NBEA: variants seen among roughly 807,000 people sequenced by gnomAD.
The protein encoded by NBEA is neurobeachin, also known as lysosomal-trafficking regulator 2.
NBEA carries 44 observed loss-of-function variants against 343.4 expected under a neutral mutation model. The ratio of observed to expected loss-of-function variants is 0.13; its 90% CI spans 0.10 to 0.16. The LOEUF is 0.16. NBEA is among the 10% of genes least tolerant of loss of function. The pLI, the probability that NBEA is intolerant of heterozygous loss-of-function variation, is 1.00. For missense variants in NBEA, 2,555 were observed against 3,631.3 expected (o/e 0.70, Z 7.62); for synonymous variants, 1,175 against 1,238.7 (o/e 0.95, Z 1.08).
chr13:35,342,702 C>T (rs186806522), intron 36 of NBEA, among the ~76,000 whole-genome samples: 193 of 152,078 alleles, frequency 1.3e-3, no homozygotes, highest in Non-Finnish European at 1.9e-3. Context: ...TGTTATTTAA[C>T]TTCATACTTA....
chr13:34,970,760 C>A (rs868052628), intron 1 of NBEA, among the ~76,000 whole-genome samples: 10 of 152,054 alleles, frequency 6.6e-5, no homozygotes, highest in African/African-American at 1.2e-4. Flanking sequence ...CAACACCATG[C>A]TGTTTTGGTT....
chr13:35,220,928 T>G (rs2074328286), intron 33 of NBEA, among the ~76,000 whole-genome samples: 1 of 152,160 alleles, frequency 6.6e-6, no homozygotes, highest in South Asian at 2.1e-4. Context: ...CTCAGTGATT[T>G]TGAGTATTTT....
rs1368392166 is a variant in NBEA at position 35,159,329 on chromosome 13, A to G, written c.3158A>G (p.His1053Arg). Residue 1053 changes from histidine to arginine, a missense_variant, in exon 22 of 59, where the codon CAT (histidine) becomes CGT (arginine). Physicochemically the swap from His to Arg is conservative, Grantham distance 29 (BLOSUM62 0). Coordinates refer to ENST00000379939, the MANE Select transcript of NBEA (RefSeq NM_001385012.1). ...RPGSGVHVEV[H>R]DLLVDIKAEK... ...GGAAGTGGTGTACATGTGGAAGTAC[A>G]TGATCTTTTAGTAGATATAAAAGCA... 5 of 1,613,622 alleles carry G rather than the reference A, an allele frequency of 3.1e-6. No homozygotes were observed. Among genetic ancestry groups the G allele is most frequent in the Non-Finnish European group, 4.2e-6 (5 of 1,179,694 alleles).
Position 35,003,023 on chromosome 13 carries a change from C to T in NBEA, c.295-37910C>T, listed in dbSNP as rs73487626. Among the ~76,000 whole-genome samples the T allele has an allele frequency of 6.7e-3, 1,021 of 152,154 alleles. 11 individuals carry two copies. Among genetic ancestry groups the T allele is most frequent in the African/African-American group, 0.022 (929 of 41,508 alleles). On this transcript the variant is annotated intron_variant, in intron 1 of 58. Transcript: ENST00000379939. ...TCATAGAACAGGGATAATAAGAGAG[C>T]GTTCTCCAGCCACAGTACAATGAAC...
chr13:35,378,052 T>G (rs1349150729), intron 38 of NBEA, among the ~76,000 whole-genome samples: 1 of 152,198 alleles, frequency 6.6e-6, no homozygotes, highest in Non-Finnish European at 1.5e-5. Context: ...AATATAGCTT[T>G]AGGAATGGAA....
intron 47 of NBEA, among the ~76,000 whole-genome samples, chr13:35,605,983 A>G (rs2082268232): frequency 6.6e-6 from 1 of 152,200 alleles, no homozygotes; most frequent in South Asian, 2.1e-4. Flanking sequence ...AGTTAAAAAC[A>G]AAAGTAGAAA....
intron 38 of NBEA, among the ~76,000 whole-genome samples, chr13:35,390,297 A>C (rs1379207065): frequency 6.6e-6 from 1 of 152,054 alleles, no homozygotes; most frequent in Non-Finnish European, 1.5e-5. Context: ...GATTCTTTCT[A>C]ATTTCTCAAA....
intron 52 of NBEA, 144 bp downstream of exon 52, chr13:35,649,991 C>T: frequency 1.2e-6 from 1 of 835,380 alleles, no homozygotes; most frequent in Non-Finnish European, 1.8e-6. Context: ...TCAAATCCAA[C>T]TAAGGGACTT....
intron 34 of NBEA, among the ~76,000 whole-genome samples, chr13:35,277,645 A>AG (rs2034700126): frequency 1.6e-4 from 24 of 146,214 alleles, no homozygotes; most frequent in African/African-American, 5.4e-4. Flanking sequence ...AAAAAAAAAA[A>AG]AAAGTGGGGG....
rs113729468 is a variant in NBEA, at chr13:35,184,367, G to T, written c.4927+296G>T. Among the ~76,000 whole-genome samples, 978 of 152,018 alleles carry T rather than the reference G, an allele frequency of 6.4e-3. 11 individuals carry two copies. Among genetic ancestry groups the T allele is most frequent in the African/African-American group, 0.023 (937 of 41,504 alleles). On this transcript the variant is annotated intron_variant, in intron 30 of 58. Transcript: ENST00000379939. ...CAGGAGAGTCACAGTTTAGTAGTGG[G>T]ACTAAATGAGCCTAATATAAAGGCT... is the stretch of plus-strand genomic sequence containing the variant.
intron 41 of NBEA, among the ~76,000 whole-genome samples, chr13:35,509,793 A>G (rs1030700530): frequency 6.6e-6 from 1 of 152,240 alleles, no homozygotes; most frequent in Non-Finnish European, 1.5e-5. Context: ...AACAGTGCCA[A>G]ATCTGAAGGG....
Position 35,208,812 on chromosome 13 carries a change from G to A in NBEA, c.5479G>A (p.Ala1827Thr). 6.2e-7 allele frequency: 1 copy of A among 1,608,500 alleles called. No individual in the cohort carries two copies. Among genetic ancestry groups the A allele is most frequent in the Non-Finnish European group, 8.5e-7 (1 of 1,176,748 alleles). Residue 1827 changes from alanine to threonine, a missense_variant, in exon 32 of 59, where the codon GCT becomes ACT. By Grantham distance (58) the Ala-to-Thr change is moderately conservative. This residue lies in a region of NBEA where 270 missense variants were observed against 293.3 expected (regional missense o/e 0.92). Coordinates refer to ENST00000379939, the MANE Select transcript of NBEA (RefSeq NM_001385012.1). ...LPTGSTSNIF[A>T]ATGATPKSMI... is the part of the protein sequence containing the mutation. ...AACAGGCAGTACCTCTAATATATTT[G>A]CTGCTACTGGAGCTACACCAAAAAG...
At chr13:34,946,110 A>G (rs185473403) in intron 1 of NBEA, among the ~76,000 whole-genome samples, 1 of 152,276 alleles carries the variant, frequency 6.6e-6, no homozygotes, top group Admixed American at 6.5e-5. Context: ...TTAGGAAGGT[A>G]GGTAAATTAG....
chr13:35,294,848 G>A (rs968099726), intron 35 of NBEA, among the ~76,000 whole-genome samples: 1 of 151,884 alleles, frequency 6.6e-6, no homozygotes, highest in Non-Finnish European at 1.5e-5. Context: ...GAGCCCTGAC[G>A]ATGCAAGGTA....
intron 29 of NBEA, among the ~76,000 whole-genome samples, chr13:35,182,733 C>T (rs1279219828): frequency 3.3e-5 from 5 of 151,780 alleles, no homozygotes; most frequent in South Asian, 2.1e-4. Context: ...CTCATTTTAT[C>T]AGTATAGCTT....
chr13:35,333,135 T>C (rs1245940871), intron 36 of NBEA, among the ~76,000 whole-genome samples: 1 of 151,956 alleles, frequency 6.6e-6, no homozygotes, highest in Non-Finnish European at 1.5e-5. Context: ...AATGACTAAA[T>C]ATATGAGACC....
intron 38 of NBEA, among the ~76,000 whole-genome samples, chr13:35,422,092 G>GTTTTT: frequency 1.1e-5 from 1 of 93,138 alleles, no homozygotes; most frequent in Non-Finnish European, 2.0e-5. Flanking sequence ...TTGTTTGTTT[G>GTTTTT]TTTTTTTTTT....
chr13:35,476,286 C>T, intron 41 of NBEA: 1 of 1,253,268 alleles, frequency 8.0e-7, no homozygotes, highest in Non-Finnish European at 1.1e-6. Flanking sequence ...AGTGCTGCAG[C>T]GTTGGTTTCC....
chr13:34,959,117 C>T (rs983777194), intron 1 of NBEA, among the ~76,000 whole-genome samples: 1 of 152,002 alleles, frequency 6.6e-6, no homozygotes, highest in African/African-American at 2.4e-5. Flanking sequence ...TGTAATAATA[C>T]AGTAACTAAT....
Sources: gnomAD v4.1 joint callset for allele counts (sites outside exome capture counted in the v4.1 genomes callset) on GRCh38, gnomAD v4.1.1 for gene constraint, gnomAD v4.1.1 regional missense constraint, MANE v1.5 for transcripts, NCBI Gene and HGNC (gene_info 2026-07-23, HGNC 2026-07-21) for gene names.